APOM: variants seen among roughly 807,000 people sequenced by gnomAD.
The protein encoded by APOM is apolipoprotein M, also known as NG20-like protein.
Under a neutral mutation model 23.5 loss-of-function variants are expected in APOM, and 24 were observed. The ratio of observed to expected loss-of-function variants is 1.02; its 90% CI spans 0.74 to 1.44. The LOEUF (loss-of-function observed/expected upper bound fraction) is 1.44, where lower values mean the gene tolerates loss of function less well. Among genes scored for constraint, APOM ranks in the 40% most tolerant of loss-of-function variants. The pLI, the probability that APOM is intolerant of heterozygous loss-of-function variation, is 0.00. For synonymous variants in APOM, 82 were observed against 84.1 expected (o/e 0.97, Z 0.14); for missense variants, 200 against 233.2 (o/e 0.86, Z 0.93).
chr6:31,655,118 TTTTGTAGAGACAGAG>T (rs1361563699), upstream of APOM, among the ~76,000 whole-genome samples: 1 of 152,234 alleles, frequency 6.6e-6, no homozygotes, highest in Non-Finnish European at 1.5e-5. Flanking sequence ...TTTTTGTATT[TTTTGTAGAGACAGAG>T]TTTTGCCATG....
chr6:31,658,003 C>T (rs1252912650), intron 5 of APOM, 61 bp from the exon 6 acceptor site: 1 of 1,567,776 alleles, frequency 6.4e-7, no homozygotes, highest in Non-Finnish European at 8.8e-7. Context: ...CCATTACTAT[C>T]AACTTTGCTT....
chr6:31,653,808 A>G (rs758146463), upstream of APOM, among the ~76,000 whole-genome samples: 62 of 152,170 alleles, frequency 4.1e-4, 1 homozygote, highest in East Asian at 3.9e-4. Context: ...CAGCCTCCCT[A>G]GTAGGGACCA....
At position 31,657,537 on chromosome 6, in the gene APOM, C is replaced by A. The variant is rs141953755; in HGVS notation, c.442+59C>A. Reference sequence around the variant, plus strand: ...GGAAACAAGGGAGGGCAGGAGAACTCCTCACTCTGGGTCCTATGACACCCT... The same window carrying A: ...GGAAACAAGGGAGGGCAGGAGAACTACTCACTCTGGGTCCTATGACACCCT... On this transcript the variant is annotated intron_variant, in intron 4 of 5. Coordinates refer to ENST00000375916, the MANE Select transcript of APOM (RefSeq NM_019101.3). 12,591 of 1,604,432 alleles carry A rather than the reference C, an allele frequency of 7.8e-3. 557 individuals are homozygous for A. The South Asian group carries it at 0.092, about 12-fold the overall frequency.
chr6:31,656,278 TACC>T (rs1800046041), intron 1 of APOM, among the ~76,000 whole-genome samples, 191 bp from the exon 2 acceptor site: 1 of 151,952 alleles, frequency 6.6e-6, no homozygotes, highest in South Asian at 2.1e-4. Context: ...GTGGGGTGGT[TACC>T]CAGGTTGACT....
chr6:31,656,885 G>A (rs1003806338), intron 2 of APOM, among the ~76,000 whole-genome samples: 1 of 152,262 alleles, frequency 6.6e-6, no homozygotes, highest in African/African-American at 2.4e-5. Flanking sequence ...GGTGGCTCAC[G>A]CCTGTAATCC....
chr6:31,657,511 G>C, intron 4 of APOM, 33 bp downstream of exon 4: 1 of 1,609,942 alleles, frequency 6.2e-7, no homozygotes, highest in Non-Finnish European at 8.5e-7. Flanking sequence ...AAGGGTTGGA[G>C]GGAAACAAGG....
intron 5 of APOM, 100 bp downstream of exon 5, chr6:31,657,823 C>A (rs558001061): frequency 2.5e-6 from 3 of 1,185,292 alleles, no homozygotes; most frequent in Admixed American, 1.7e-5. Context: ...AGGGATGTGG[C>A]TAAGAGCTGT....
At position 31,656,010 on chromosome 6, in the gene APOM, T is replaced by G. The variant is rs772674490; in HGVS notation, c.44T>G (p.Ile15Ser). The G allele has an allele frequency of 6.2e-7, 1 of 1,600,956 alleles. No homozygotes were observed. Among genetic ancestry groups the G allele is most frequent in the Non-Finnish European group, 8.5e-7 (1 of 1,173,840 alleles). ...IWAALLYFYG[I>S]ILNSIYQCPE... ...GCAGCTCTGCTCTACTTCTATGGTA[T>G]TATCCTTAACTCCATCTACCAGTGC... Residue 15 changes from isoleucine (I) to serine (S), a missense_variant, in exon 1 of 6, where the codon ATT (isoleucine) becomes AGT (serine). Ile to Ser is a moderately radical substitution (Grantham distance 142). Coordinates refer to ENST00000375916, the MANE Select transcript of APOM (RefSeq NM_019101.3).
chr6:31,656,389 T>C (rs1343680158), intron 1 of APOM, 83 bp from the exon 2 acceptor site: 3 of 1,438,008 alleles, frequency 2.1e-6, no homozygotes, highest in Non-Finnish European at 2.9e-6. Flanking sequence ...TACCCCTAAA[T>C]CTTGCTGTTT....
chr6:31,654,587 G>A (rs1051037604), upstream of APOM, among the ~76,000 whole-genome samples: 1 of 152,094 alleles, frequency 6.6e-6, no homozygotes, highest in Non-Finnish European at 1.5e-5. Flanking sequence ...CATCTGAGCC[G>A]GGGAAGTCAA....
chr6:31,656,344 T>A, intron 1 of APOM, 128 bp from the exon 2 acceptor site: 1 of 1,050,658 alleles, frequency 9.5e-7, no homozygotes, highest in African/African-American at 1.6e-5. Context: ...ATGGATCCAA[T>A]CCCCAGTTGG....
chr6:31,655,728 C>T (rs1457465522), upstream of APOM: 1 of 486,638 alleles, frequency 2.1e-6, no homozygotes, highest in African/African-American at 1.9e-5. Flanking sequence ...CTCATAACTC[C>T]TGAGAAACCC....
intron 5 of APOM, 75 bp downstream of exon 5, chr6:31,657,798 G>A (rs752257550): frequency 3.4e-5 from 45 of 1,331,624 alleles, no homozygotes; most frequent in Admixed American, 2.0e-4. Flanking sequence ...AAAGAGGCTC[G>A]TGTGATGTCA....
chr6:31,658,179 T>G lies in APOM; in HGVS notation c.*90T>G. 1 of 1,421,258 alleles carries G rather than the reference T, an allele frequency of 7.0e-7. No homozygotes were observed. Among genetic ancestry groups the G allele is most frequent in the Non-Finnish European group, 9.9e-7 (1 of 1,005,776 alleles). The allele number at this position is 1,421,258 out of a possible 1,614,324, so 88.0% of individuals were successfully genotyped here. ...GGAGACTTCCAGCTCCAGCTCCCACTCAAGATAATAAAGATAATTTTTCAA... is the reference window on the plus strand; with the variant it reads ...GGAGACTTCCAGCTCCAGCTCCCACGCAAGATAATAAAGATAATTTTTCAA... On this transcript the variant is annotated 3_prime_UTR_variant, in exon 6 of 6. Coordinates refer to ENST00000375916, the MANE Select transcript of APOM (RefSeq NM_019101.3).
intron 2 of APOM, 74 bp from the exon 3 acceptor site, chr6:31,657,151 A>C: frequency 6.8e-7 from 1 of 1,463,600 alleles, no homozygotes; most frequent in Non-Finnish European, 9.4e-7. Context: ...GTCTCAAAAA[A>C]AAAAAAAAGA....
chr6:31,655,167 C>G (rs1426341155), upstream of APOM, among the ~76,000 whole-genome samples: 4 of 152,156 alleles, frequency 2.6e-5, no homozygotes, highest in Admixed American at 2.0e-4. Flanking sequence ...TTTTGAACTC[C>G]TGGGCTCAAG....
In APOM at chr6:31,655,934, G is replaced by A; in HGVS notation, c.-33G>A. On this transcript the variant is annotated 5_prime_UTR_variant, in exon 1 of 6. Transcript: ENST00000375916. ...GCCAGTAGGGGAGAGAGCAGTTAAG[G>A]CACACAGAGCACCAGCTCCCTCCTG... 1 of 1,454,384 alleles carries A rather than the reference G, an allele frequency of 6.9e-7. No individual in the cohort carries two copies. Among genetic ancestry groups the A allele is most frequent in the Non-Finnish European group, 9.5e-7 (1 of 1,053,994 alleles). The allele number at this position is 1,454,384 out of a possible 1,614,324, so 90.1% of individuals were successfully genotyped here.
chr6:31,656,211 A>C, intron 1 of APOM, 131 bp downstream of exon 1: 1 of 827,346 alleles, frequency 1.2e-6, no homozygotes, highest in Non-Finnish European at 1.9e-6. Context: ...TAATGAAAGC[A>C]AGAAGAAAAA....
chr6:31,654,199 C>T (rs1054142104), upstream of APOM, among the ~76,000 whole-genome samples: 1 of 147,852 alleles, frequency 6.8e-6, no homozygotes, highest in East Asian at 2.0e-4. Flanking sequence ...GAGCCAAGAT[C>T]GCGCCACTGC....
Sources: gnomAD v4.1 joint callset for allele counts (sites outside exome capture counted in the v4.1 genomes callset) on GRCh38, gnomAD v4.1.1 for gene constraint, MANE v1.5 for transcripts, NCBI Gene and HGNC (gene_info 2026-07-23, HGNC 2026-07-21) for gene names.